TULP4: variants seen among roughly 807,000 people sequenced by gnomAD.
The protein encoded by TULP4 is TUB like protein 4.
TULP4 carries 16 observed loss-of-function variants against 129.0 expected under a neutral mutation model. The ratio of observed to expected loss-of-function variants is 0.12; its 90% CI spans 0.08 to 0.19. TULP4 has a LOEUF of 0.19. Ranked by LOEUF, TULP4 falls within the 10% of genes least tolerant of loss-of-function variation. The pLI is 1.00. For synonymous variants in TULP4, 998 were observed against 854.0 expected (o/e 1.17, Z -2.94); for missense variants, 1,842 against 2,059.1 (o/e 0.89, Z 2.04).
At chr6:158,402,608 G>T (rs916940958) in intron 1 of TULP4, among the ~76,000 whole-genome samples, 5 of 152,158 alleles carry the variant, frequency 3.3e-5, no homozygotes, top group Admixed American at 3.3e-4. Context: ...AGACATTATT[G>T]TTGGAATATC....
At chr6:158,235,881 T>G (rs941204469) in intron 1 of TULP4, among the ~76,000 whole-genome samples, 2 of 152,226 alleles carry the variant, frequency 1.3e-5, no homozygotes, top group African/African-American at 4.8e-5. Flanking sequence ...ATTAAATTAG[T>G]TAAAACAAAT....
Position 158,504,192 on chromosome 6 carries a change from C to T in TULP4, c.4515+14C>T, listed in dbSNP as rs1377452206. ...GAGGGGCGGCAGGTAAGACCTCAGA[C>T]CAGGTGGCGCTGCGAGCCCAGGAGG... On this transcript the variant is annotated intron_variant, in intron 13 of 13. Transcript: ENST00000367097. The T allele has an allele frequency of 3.3e-6, 5 of 1,534,558 alleles. No homozygotes were observed.
At position 158,501,970 on chromosome 6, in the gene TULP4, C is replaced by T. The variant is rs1246702119; in HGVS notation, c.2307C>T (p.Asn769=). The T allele has an allele frequency of 3.1e-6, 5 of 1,613,362 alleles. No homozygotes were observed. The highest frequency in any genetic ancestry group is 4.2e-6 in the Non-Finnish European group (5 of 1,179,862). The stretch of plus-strand genomic sequence containing the variant: ...TGGAAATGGGCCGCATCATTCAGAA[C>T]CCCCCTCCACTGTCCCTGCCTCCCC... ...GSVEMGRIIQ[N]PPPLSLPPPP... Residue 769 remains asparagine, a synonymous_variant, in exon 13 of 14, where the codon AAC becomes AAT. Transcript: ENST00000367097.
intron 1 of TULP4, among the ~76,000 whole-genome samples, chr6:158,237,018 C>T (rs1777724587): frequency 6.6e-6 from 1 of 151,548 alleles, no homozygotes; most frequent in Non-Finnish European, 1.5e-5. Context: ...ACTGTGTTGG[C>T]CAGGCTGGTC....
chr6:158,410,771 TAAA>T (rs949866103), intron 1 of TULP4, among the ~76,000 whole-genome samples: 1 of 151,686 alleles, frequency 6.6e-6, no homozygotes, highest in Non-Finnish European at 1.5e-5. Context: ...TGGTCTAACT[TAAA>T]AAAAAATCAG....
chr6:158,475,775 C>T (rs1024122143), intron 6 of TULP4, among the ~76,000 whole-genome samples: 2 of 152,220 alleles, frequency 1.3e-5, no homozygotes, highest in Admixed American at 1.3e-4. Context: ...GAACGCCCCG[C>T]CCCGTGTCTG....
At chr6:158,371,229 C>A (rs11756453) in intron 1 of TULP4, among the ~76,000 whole-genome samples, 27,497 of 152,192 alleles carry the variant, frequency 0.18, 3,143 homozygotes, top group Non-Finnish European at 0.26. Context: ...GAGTAACATT[C>A]TTCCACAATT....
Position 158,449,565 on chromosome 6 carries a change from TC to T in TULP4, c.724+393del, listed in dbSNP as rs1469613930. Among the ~76,000 whole-genome samples, 3 of 151,994 alleles carry T rather than the reference TC, an allele frequency of 2.0e-5. No individual in the cohort carries two copies. The South Asian group carries it at 6.2e-4, about 32-fold the overall frequency. On this transcript the variant is annotated intron_variant, in intron 4 of 13. Coordinates refer to ENST00000367097, the MANE Select transcript of TULP4 (RefSeq NM_020245.5). ...TAACTTAATATGTGATATATCCAAA[TC>T]CCCAATGTTATTAAAGCCCGCGGCT...
chr6:158,267,928 G>GT (rs1461621704), intron 1 of TULP4, among the ~76,000 whole-genome samples: 1 of 151,766 alleles, frequency 6.6e-6, no homozygotes, highest in Non-Finnish European at 1.5e-5. Context: ...ATTGAGAAGG[G>GT]TTTATCAGTG....
chr6:158,463,699 TA>T (rs35577143), intron 6 of TULP4, among the ~76,000 whole-genome samples: 129 of 135,234 alleles, frequency 9.5e-4, no homozygotes, highest in Non-Finnish European at 1.5e-3. Flanking sequence ...TAGACTTCAT[TA>T]AAAAAAAAAA....
intron 1 of TULP4, among the ~76,000 whole-genome samples, chr6:158,361,780 CTA>C (rs1471737612): frequency 9.9e-5 from 15 of 152,152 alleles, no homozygotes; most frequent in African/African-American, 3.1e-4. Flanking sequence ...AGCTGGCTGT[CTA>C]TTTTTACTTC....
chr6:158,347,010 G>A (rs189141557), intron 1 of TULP4, among the ~76,000 whole-genome samples: 1 of 152,250 alleles, frequency 6.6e-6, no homozygotes, highest in East Asian at 1.9e-4. Context: ...TTTTTCCCTG[G>A]CAAATCACTT....
intron 1 of TULP4, among the ~76,000 whole-genome samples, chr6:158,250,112 A>G (rs550819404): frequency 6.6e-6 from 1 of 151,728 alleles, no homozygotes; most frequent in East Asian, 1.9e-4. Flanking sequence ...CTGGGATTAG[A>G]GACATGAGCC....
intron 1 of TULP4, among the ~76,000 whole-genome samples, chr6:158,400,662 G>A (rs937900175): frequency 6.6e-6 from 1 of 152,062 alleles, no homozygotes; most frequent in African/African-American, 2.4e-5. Flanking sequence ...TGCTTAATTT[G>A]TTTTATTTTC....
At chr6:158,270,487 T>G (rs1181721837) in intron 1 of TULP4, among the ~76,000 whole-genome samples, 1 of 152,192 alleles carries the variant, frequency 6.6e-6, no homozygotes, top group Non-Finnish European at 1.5e-5. Context: ...TTCGATGAGT[T>G]TTGCATTGTC....
At chr6:158,499,048 C>T (rs935552452) in intron 12 of TULP4, among the ~76,000 whole-genome samples, 1 of 152,180 alleles carries the variant, frequency 6.6e-6, no homozygotes, top group Non-Finnish European at 1.5e-5. Context: ...GTAGCAGCGG[C>T]GCCTTGTGTT....
intron 1 of TULP4, among the ~76,000 whole-genome samples, chr6:158,264,820 C>T (rs1047324015): frequency 4.6e-5 from 7 of 152,126 alleles, no homozygotes; most frequent in African/African-American, 1.7e-4. Context: ...CAGTGCCGCC[C>T]CTGAAATGTC....
At chr6:158,337,581 T>C (rs1365919719) in intron 1 of TULP4, among the ~76,000 whole-genome samples, 1 of 152,222 alleles carries the variant, frequency 6.6e-6, no homozygotes, top group East Asian at 1.9e-4. Flanking sequence ...ACTGATTCCC[T>C]TCCTGGAATT....
chr6:158,490,185 CAA>C (rs1170963184), intron 9 of TULP4, among the ~76,000 whole-genome samples: 2 of 152,186 alleles, frequency 1.3e-5, no homozygotes, highest in African/African-American at 4.8e-5. Context: ...ATCACGAAGT[CAA>C]GAGATCTGGA....
Sources: gnomAD v4.1 joint callset for allele counts (sites outside exome capture counted in the v4.1 genomes callset) on GRCh38, gnomAD v4.1.1 for gene constraint, MANE v1.5 for transcripts, NCBI Gene and HGNC (gene_info 2026-07-23, HGNC 2026-07-21) for gene names.